Variants in NUDT17 observed in about 807,000 individuals in gnomAD.
NUDT17 encodes the protein nudix hydrolase 17.
In NUDT17, 38 loss-of-function variants were observed where a neutral mutation model predicts 38.6. That is an observed-to-expected ratio of 0.98 (90% CI 0.76 to 1.29). The LOEUF (loss-of-function observed/expected upper bound fraction) is 1.29, where lower values mean the gene tolerates loss of function less well. NUDT17 is among the 50% of genes most tolerant of loss of function. NUDT17 has a pLI of 0.00. For synonymous variants in NUDT17, 192 were observed against 167.8 expected (o/e 1.14, Z -1.11); for missense variants, 462 against 415.2 (o/e 1.11, Z -0.98).
Position 145,846,104 on chromosome 1 carries a change from T to C in NUDT17, c.284T>C (p.Val95Ala). The change falls in exon 2 of 8, where the codon GTG (valine) becomes GCG (alanine). Residue 95 changes from valine to alanine, a missense_variant. Coordinates refer to ENST00000334513, the MANE Select transcript of NUDT17 (RefSeq NM_001012758.3). ...LPTDRGVDLG[V>A]AVILQSSDKT... is the part of the protein sequence containing the mutation. ...ACAGATCGAGGTGTGGACCTGGGTG[T>C]GGCCGTCATTCTGCAGTCCAGCGAC... 6.2e-7 allele frequency: 1 copy of C among 1,602,576 alleles called. No homozygotes were observed.
At position 145,847,577 on chromosome 1, in the gene NUDT17, C is replaced by G. The variant is rs200692261; in HGVS notation, c.595-6C>G. ...ATGACTGAGGGGTCACCATGTCTGA[C>G]CCCAGGCCCGGATCCAACCAAACCC... is the stretch of plus-strand genomic sequence containing the variant. On this transcript the variant is annotated splice_region_variant and splice_polypyrimidine_tract_variant and intron_variant, in intron 5 of 7. Transcript: ENST00000334513. The G allele has an allele frequency of 1.9e-6, 3 of 1,612,514 alleles. No homozygotes were observed. In the African/African-American group the frequency reaches 4.0e-5, roughly 22 times the overall value.
intron 4 of NUDT17, among the ~76,000 whole-genome samples, 173 bp downstream of exon 4, chr1:145,846,863 T>A (rs963444758): frequency 6.6e-6 from 1 of 152,216 alleles, no homozygotes; most frequent in African/African-American, 2.4e-5. Context: ...CACCATTTTG[T>A]TTCACCCTAA....
At position 145,847,611 on chromosome 1, in the gene NUDT17, T is replaced by G; in HGVS notation, c.623T>G (p.Val208Gly). 1 of 1,613,682 alleles carries G rather than the reference T, an allele frequency of 6.2e-7. No homozygotes were observed. Among genetic ancestry groups the G allele is most frequent in the Non-Finnish European group, 8.5e-7 (1 of 1,179,974 alleles). The change falls in exon 6 of 8, where the codon GTG (valine) becomes GGG (glycine). Residue 208 changes from valine to glycine, a missense_variant. Coordinates refer to ENST00000334513, the MANE Select transcript of NUDT17 (RefSeq NM_001012758.3). ...QARIQPNPNEVSALMWLTPDV... is the reference protein window; with the variant it reads ...QARIQPNPNEGSALMWLTPDV... ...CGGATCCAACCAAACCCAAATGAGG[T>G]GAGCGCCCTTATGTGGCTGACACCA... is the stretch of plus-strand genomic sequence containing the variant.
In NUDT17 at chr1:145,846,170, T is replaced by G. The variant is rs782439418; in HGVS notation, c.350T>G (p.Val117Gly). The change falls in exon 2 of 8, where the codon GTT becomes GGT. Residue 117 changes from valine (V) to glycine (G), a missense_variant. Val to Gly is a moderately radical substitution (Grantham distance 109, BLOSUM62 -3). Transcript: ENST00000334513. ...LLTRRARTLS[V>G]SPNLWVPPGG... ...ACCCGAAGGGCACGCACCCTGAGCG[T>G]TTCCCCCAACCTCTGGGTACCCCCG... is the stretch of plus-strand genomic sequence containing the variant. The G allele has an allele frequency of 1.9e-6, 3 of 1,593,678 alleles. No homozygotes were observed. The highest frequency in any genetic ancestry group is 2.6e-6 in the Non-Finnish European group (3 of 1,170,224).
At position 145,846,474 on chromosome 1, in the gene NUDT17, A is replaced by G; in HGVS notation, c.402+16A>G. 2 of 1,612,440 alleles carry G rather than the reference A, an allele frequency of 1.2e-6. No homozygotes were observed. The highest frequency in any genetic ancestry group is 1.7e-6 in the Non-Finnish European group (2 of 1,178,692). On this transcript the variant is annotated intron_variant, in intron 3 of 7. Transcript: ENST00000334513. ...TGAGGAGGAGGTAACCAGTCAGCTG[A>G]TCCAACCTGAGCCAAGAGACCCATG...
At chr1:145,845,913 G>A in intron 1 of NUDT17, 81 bp downstream of exon 1, 1 of 1,525,944 alleles carries the variant, frequency 6.6e-7, no homozygotes, top group Non-Finnish European at 8.9e-7. Flanking sequence ...TGGCGGCGAG[G>A]ACCCCGCCCC....
At chr1:145,847,450 A>T in intron 5 of NUDT17, 102 bp downstream of exon 5, 1 of 1,415,002 alleles carries the variant, frequency 7.1e-7, no homozygotes, top group Non-Finnish European at 9.9e-7. Flanking sequence ...GGGTAGTCAG[A>T]GATAACGAAG....
intron 2 of NUDT17, 63 bp from the exon 3 acceptor site, chr1:145,846,370 G>C: frequency 6.3e-7 from 1 of 1,598,726 alleles, no homozygotes; most frequent in African/African-American, 1.3e-5. Context: ...AGTGTCAACA[G>C]TGAGTGGGGG....
rs1451755468 is a variant in NUDT17, at chr1:145,846,092, T to C, written c.272T>C (p.Val91Ala). ...PGAELPTDRG[V>A]DLGVAVILQS... ...GCTGAGCTGCCCACAGATCGAGGTG[T>C]GGACCTGGGTGTGGCCGTCATTCTG... Residue 91 changes from valine to alanine, a missense_variant, in exon 2 of 8, where the codon GTG becomes GCG. By Grantham distance (64) the Val-to-Ala change is moderately conservative (BLOSUM62 0). Coordinates refer to ENST00000334513, the MANE Select transcript of NUDT17 (RefSeq NM_001012758.3). 20 of 1,603,610 alleles carry C rather than the reference T, an allele frequency of 1.2e-5. No homozygotes were observed. The highest frequency in any genetic ancestry group is 1.4e-5 in the Non-Finnish European group (17 of 1,175,816).
At chr1:145,848,026 A>AGTT in intron 6 of NUDT17, 86 bp from the exon 7 acceptor site, 3 of 1,488,050 alleles carry the variant, frequency 2.0e-6, no homozygotes, top group African/African-American at 1.4e-5. Flanking sequence ...CTCCTGTGGT[A>AGTT]GTTGGGAGGA....
In NUDT17 at chr1:145,845,646, C is replaced by T. The variant is rs1194657147; in HGVS notation, c.6C>T (p.Ala2=). The T allele has an allele frequency of 2.0e-6, 3 of 1,516,530 alleles. No homozygotes were observed. Among genetic ancestry groups the T allele is most frequent in the South Asian group, 1.2e-5 (1 of 82,580 alleles). The allele number at this position is 1,516,530 out of a possible 1,614,324, so 93.9% of individuals were successfully genotyped here. A position where few individuals can be genotyped will look rare whatever the true frequency, so the allele number is the denominator to read the frequency against. The change falls in exon 1 of 8, where the codon GCC becomes GCT. Residue 2 remains alanine, a synonymous_variant. Coordinates refer to ENST00000334513, the MANE Select transcript of NUDT17 (RefSeq NM_001012758.3). M[A]EVRVQLLLSR... ...AGCGACTCCAGAGTCGCGTTATGGC[C>T]GAGGTGCGGGTGCAGCTGCTCCTGT...
intron 2 of NUDT17, 57 bp from the exon 3 acceptor site, chr1:145,846,375 TG>T (rs1430846436): frequency 6.2e-7 from 1 of 1,604,558 alleles, no homozygotes; most frequent in African/African-American, 1.3e-5. Context: ...CAACAGTGAG[TG>T]GGGGCTCCCT....
intron 2 of NUDT17, 35 bp from the exon 3 acceptor site, chr1:145,846,398 C>T (rs1553732507): frequency 6.2e-7 from 1 of 1,613,792 alleles, no homozygotes; most frequent in African/African-American, 1.3e-5. Context: ...GCCAAGACCA[C>T]CACCATTCAC....
intron 4 of NUDT17, 132 bp from the exon 5 acceptor site, chr1:145,847,118 C>T (rs1297783258): frequency 8.4e-6 from 5 of 598,168 alleles, no homozygotes; most frequent in African/African-American, 7.5e-5. Context: ...TGCTTGAACC[C>T]AGGAGGCAGA....
chr1:145,846,539 C>G, intron 3 of NUDT17, 59 bp from the exon 4 acceptor site: 2 of 1,601,500 alleles, frequency 1.2e-6, no homozygotes, highest in Non-Finnish European at 1.7e-6. Context: ...GAGAGGCAAG[C>G]AAAAGGACTT....
chr1:145,848,347 A>G, intron 7 of NUDT17, 30 bp from the exon 8 acceptor site: 1 of 1,613,034 alleles, frequency 6.2e-7, no homozygotes, highest in South Asian at 1.1e-5. Context: ...AAAGCAGGAA[A>G]GGACAACCTC....
chr1:145,845,663 T>G lies in NUDT17; in HGVS notation c.23T>G (p.Leu8Arg). ...GTTATGGCCGAGGTGCGGGTGCAGC[T>G]GCTCCTGTCCCGGCGTCCGGAGTCG... Reference protein sequence around the residue: MAEVRVQLLLSRRPESVS... With the variant: MAEVRVQRLLSRRPESVS... Residue 8 changes from leucine to arginine, a missense_variant, in exon 1 of 8, where the codon CTG (leucine) becomes CGG (arginine). By Grantham distance (102) the Leu-to-Arg change is moderately radical. Coordinates refer to ENST00000334513, the MANE Select transcript of NUDT17 (RefSeq NM_001012758.3). 2.0e-6 allele frequency: 3 copies of G among 1,529,740 alleles called. No individual in the cohort carries two copies. Among genetic ancestry groups the G allele is most frequent in the Non-Finnish European group, 2.7e-6 (3 of 1,131,540 alleles). 94.8% of individuals were successfully genotyped at this position (1,529,740 alleles called of 1,614,324 possible). A position where few individuals can be genotyped will look rare whatever the true frequency, so the allele number is the denominator to read the frequency against.
chr1:145,846,515 G>A (rs370538632), intron 3 of NUDT17, 57 bp downstream of exon 3: 269 of 1,607,596 alleles, frequency 1.7e-4, no homozygotes, highest in Non-Finnish European at 2.2e-4. Flanking sequence ...GACCATCTTG[G>A]GTGTGGGCTG....
chr1:145,845,687 CGGT>C lies in NUDT17; in HGVS notation c.49_51del (p.Val17del). 6 of 1,540,652 alleles carry C rather than the reference CGGT, an allele frequency of 3.9e-6. No homozygotes were observed. Among genetic ancestry groups the C allele is most frequent in the Non-Finnish European group, 5.3e-6 (6 of 1,139,062 alleles). On this transcript the variant is annotated inframe_deletion, in exon 1 of 8. Transcript: ENST00000334513. ...CTGCTCCTGTCCCGGCGTCCGGAGTCGGTGAGCTTCGCACGGAGTGTGTGTGGC... is the reference window on the plus strand; with the variant it reads ...CTGCTCCTGTCCCGGCGTCCGGAGTCGAGCTTCGCACGGAGTGTGTGTGGC...
Sources: gnomAD v4.1 joint callset for allele counts (sites outside exome capture counted in the v4.1 genomes callset) on GRCh38, gnomAD v4.1.1 for gene constraint, MANE v1.5 for transcripts, NCBI Gene and HGNC (gene_info 2026-07-23, HGNC 2026-07-21) for gene names.